ADGRG6: variants seen among roughly 807,000 people sequenced by gnomAD.
ADGRG6 encodes G-protein coupled receptor 126.
A neutral mutation model predicts 142.4 loss-of-function variants in ADGRG6; 84 were observed. That is an observed-to-expected ratio of 0.59 (90% confidence interval 0.49 to 0.71). ADGRG6 has a LOEUF of 0.71. Among genes scored for constraint, ADGRG6 ranks in the 30% least tolerant of loss-of-function variants. The pLI is 0.00. For missense variants in ADGRG6, 1,367 were observed against 1,466.6 expected, an observed-to-expected ratio of 0.93 and a Z score of 1.11; for synonymous variants, 521 against 520.5, an observed-to-expected ratio of 1.00 and a Z score of -0.01.
intron 9 of ADGRG6, among the ~76,000 whole-genome samples, chr6:142,396,714 G>A (rs184812787): frequency 1.3e-5 from 2 of 152,174 alleles, no homozygotes; most frequent in East Asian, 3.9e-4. Flanking sequence ...TGAATATGAA[G>A]AAGAAACAAT....
chr6:142,363,430 A>T (rs943637653), intron 2 of ADGRG6, among the ~76,000 whole-genome samples: 66 of 152,292 alleles, frequency 4.3e-4, no homozygotes, highest in Middle Eastern at 6.8e-3. Context: ...AAGACTTTTC[A>T]TTATAGATTA....
chr6:142,326,641 T>G (rs1258136213), intron 2 of ADGRG6, among the ~76,000 whole-genome samples: 1 of 152,096 alleles, frequency 6.6e-6, no homozygotes, highest in African/African-American at 2.4e-5. Context: ...TCTTTTAAAT[T>G]AATGGTGTGA....
At chr6:142,315,676 C>G (rs1778013804) in intron 2 of ADGRG6, among the ~76,000 whole-genome samples, 1 of 151,732 alleles carries the variant, frequency 6.6e-6, no homozygotes, top group Non-Finnish European at 1.5e-5. Flanking sequence ...ACTAAAAATC[C>G]AAAAATTAGC....
At chr6:142,345,069 A>G (rs1325368768) in intron 2 of ADGRG6, among the ~76,000 whole-genome samples, 1 of 152,058 alleles carries the variant, frequency 6.6e-6, no homozygotes, top group African/African-American at 2.4e-5. Context: ...ATTGGACTGT[A>G]AAATATTGTT....
rs552778561 is a variant in ADGRG6 at position 142,394,527 on chromosome 6, G to A, written c.1424+569G>A. Among the ~76,000 whole-genome samples the A allele has an allele frequency of 1.7e-4, 25 of 150,782 alleles. No individual in the cohort carries two copies. The South Asian group carries it at 5.0e-3, about 30-fold the overall frequency. The stretch of plus-strand genomic sequence containing the variant: ...CAAAAAAACCCTAAATTTCCAAATG[G>A]AATAAATTTAGTTGTATTTAGGTTA... On this transcript the variant is annotated intron_variant, in intron 9 of 24. Coordinates refer to ENST00000367609, the MANE Select transcript of ADGRG6 (RefSeq NM_198569.3).
At chr6:142,311,314 A>G (rs1332759332) in intron 2 of ADGRG6, among the ~76,000 whole-genome samples, 2 of 151,904 alleles carry the variant, frequency 1.3e-5, no homozygotes, top group East Asian at 1.9e-4. Flanking sequence ...CTTGTGACAG[A>G]TAGTTTTCTG....
intron 24 of ADGRG6, among the ~76,000 whole-genome samples, chr6:142,441,377 G>A (rs73582566): frequency 0.015 from 2,342 of 152,248 alleles, 49 homozygotes; most frequent in African/African-American, 0.051. Flanking sequence ...TGCTTTGTGA[G>A]AATTGTTATC....
In ADGRG6 at chr6:142,405,815, C is replaced by A; in HGVS notation, c.2255C>A (p.Thr752Asn). 1 of 1,598,728 alleles carries A rather than the reference C, an allele frequency of 6.3e-7. No individual in the cohort carries two copies. Among genetic ancestry groups the A allele is most frequent in the South Asian group, 1.1e-5 (1 of 87,934 alleles). ...GCACAGTTTACTTTCTTCAACAAAA[C>A]TGGACTTTTCCAGGTAAGCACATTC... is the stretch of plus-strand genomic sequence containing the variant. The part of the protein sequence containing the change: ...RRAQFTFFNK[T>N]GLFQDVGPQR... The change falls in exon 15 of 25, where the codon ACT (threonine) becomes AAT (asparagine). Residue 752 changes from threonine (T) to asparagine (N), a missense_variant. Thr to Asn is a moderately conservative substitution (Grantham distance 65). Transcript: ENST00000367609.
chr6:142,339,007 A>C (rs952747611), intron 2 of ADGRG6, among the ~76,000 whole-genome samples: 2 of 152,228 alleles, frequency 1.3e-5, no homozygotes, highest in Non-Finnish European at 1.5e-5. Flanking sequence ...TCTCTAAATT[A>C]ATGTAAGAAT....
chr6:142,325,368 C>T (rs956470430), intron 2 of ADGRG6, among the ~76,000 whole-genome samples: 5 of 152,238 alleles, frequency 3.3e-5, no homozygotes, highest in South Asian at 4.1e-4. Flanking sequence ...ACATCTCCCA[C>T]GAGGCTTGTA....
At chr6:142,383,537 A>G (rs1781873593) in intron 5 of ADGRG6, among the ~76,000 whole-genome samples, 1 of 152,158 alleles carries the variant, frequency 6.6e-6, no homozygotes, top group Admixed American at 6.5e-5. Context: ...TGCTTGCTCC[A>G]GACCCTTGTG....
chr6:142,418,991 A>T (rs1218514217), intron 21 of ADGRG6, among the ~76,000 whole-genome samples: 2 of 152,098 alleles, frequency 1.3e-5, no homozygotes, highest in East Asian at 3.9e-4. Flanking sequence ...CTTCTTCTCC[A>T]TGTCACTGGG....
At chr6:142,318,212 A>ATATATTATATATT (rs1778296254) in intron 2 of ADGRG6, among the ~76,000 whole-genome samples, 6 of 34,970 alleles carry the variant, frequency 1.7e-4, no homozygotes, top group African/African-American at 4.7e-4. Flanking sequence ...ATATATATTT[A>ATATATTATATATT]TATATTATAT....
Position 142,402,617 on chromosome 6 carries a change from T to C in ADGRG6, c.1745-3T>C. 6.6e-7 allele frequency: 1 copy of C among 1,523,138 alleles called. No homozygotes were observed. The highest frequency in any genetic ancestry group is 9.0e-7 in the Non-Finnish European group (1 of 1,106,790). The allele number at this position is 1,523,138 out of a possible 1,614,324, so 94.4% of individuals were successfully genotyped here. ...GTGTTGTTTTCTTCTGCCTTTGTTT[T>C]AGAAGAAGCAAATGAAGTTGCTAAC... is the stretch of plus-strand genomic sequence containing the variant. On this transcript the variant is annotated splice_region_variant and splice_polypyrimidine_tract_variant and intron_variant, in intron 12 of 24. Coordinates refer to ENST00000367609, the MANE Select transcript of ADGRG6 (RefSeq NM_198569.3).
At chr6:142,370,815 T>A (rs766996155) in intron 4 of ADGRG6, 22 bp downstream of exon 4, 7 of 810,332 alleles carry the variant, frequency 8.6e-6, no homozygotes, top group South Asian at 4.5e-5. Context: ...GCGTATTCCT[T>A]TTTTTTTTTT....
At chr6:142,333,702 G>T (rs1016999353) in intron 2 of ADGRG6, among the ~76,000 whole-genome samples, 1 of 151,984 alleles carries the variant, frequency 6.6e-6, no homozygotes, top group Admixed American at 6.6e-5. Context: ...TATTACTTAG[G>T]GTTCTTATCT....
intron 2 of ADGRG6, among the ~76,000 whole-genome samples, chr6:142,362,101 A>C (rs1483074824): frequency 1.3e-4 from 20 of 152,228 alleles, no homozygotes; most frequent in Non-Finnish European, 2.1e-4. Flanking sequence ...GTATTACAGA[A>C]GAAAGAGATG....
At chr6:142,345,485 TG>T (rs1475489733) in intron 2 of ADGRG6, among the ~76,000 whole-genome samples, 2 of 152,102 alleles carry the variant, frequency 1.3e-5, no homozygotes, top group African/African-American at 4.8e-5. Flanking sequence ...CATGATCAAC[TG>T]TGTTTGAATT....
intron 2 of ADGRG6, among the ~76,000 whole-genome samples, chr6:142,357,051 C>T (rs1166646322): frequency 1.3e-5 from 2 of 152,124 alleles, no homozygotes; most frequent in African/African-American, 4.8e-5. Flanking sequence ...GGGAAGATCT[C>T]GAGAGAGCTT....
Sources: allele counts gnomAD v4.1 joint callset (sites outside exome capture counted in the v4.1 genomes callset), GRCh38; gene constraint gnomAD v4.1.1; transcripts MANE v1.5; gene names NCBI Gene and HGNC (gene_info 2026-07-23, HGNC 2026-07-21).